Variants in EXOC6B observed in about 807,000 individuals in gnomAD.
EXOC6B encodes exocyst complex component 6B.
A neutral mutation model predicts 113.5 loss-of-function variants in EXOC6B; 54 were observed. That is an observed-to-expected ratio of 0.48 (90% CI 0.38 to 0.60). The LOEUF is 0.60. Among genes scored for constraint, EXOC6B ranks in the 20% least tolerant of loss-of-function variants. EXOC6B has a pLI of 0.00. For missense variants in EXOC6B, 797 were observed against 977.5 expected (o/e 0.82, Z 2.46); for synonymous variants, 357 against 339.0 (o/e 1.05, Z -0.58).
intron 18 of EXOC6B, among the ~76,000 whole-genome samples, chr2:72,422,511 A>G (rs990115089): frequency 4.0e-5 from 6 of 150,930 alleles, no homozygotes; most frequent in Non-Finnish European, 8.8e-5. Flanking sequence ...GAGTGCACCA[A>G]TCGACACTCT....
rs545359911 is a variant in EXOC6B at position 72,489,198 on chromosome 2, T to A, written c.1665+3120A>T. ...TTTTTCTTCTCTCCATAGCATTCAC[T>A]ACCTTTAACCATACTACAAAATTGA... is the stretch of plus-strand genomic sequence containing the variant. On this transcript the variant is annotated intron_variant, in intron 16 of 21. Transcript: ENST00000272427. Among the ~76,000 whole-genome samples, 64 of 152,346 alleles carry A rather than the reference T, an allele frequency of 4.2e-4. No individual in the cohort carries two copies. In the South Asian group the frequency reaches 0.013, roughly 31 times the overall value.
chr2:72,193,662 G>T (rs964023165), intron 20 of EXOC6B, among the ~76,000 whole-genome samples: 1 of 152,124 alleles, frequency 6.6e-6, no homozygotes, highest in Non-Finnish European at 1.5e-5. Context: ...CAAAAGAAGG[G>T]CATCTAAGCC....
intron 20 of EXOC6B, among the ~76,000 whole-genome samples, chr2:72,283,433 A>T (rs1399659354): frequency 6.6e-6 from 1 of 152,160 alleles, no homozygotes; most frequent in African/African-American, 2.4e-5. Context: ...GAGTCACAAC[A>T]TACTGGAAGC....
intron 19 of EXOC6B, among the ~76,000 whole-genome samples, chr2:72,377,884 T>C (rs1485020718): frequency 2.0e-5 from 3 of 151,966 alleles, no homozygotes; most frequent in South Asian, 4.1e-4. Context: ...GTAATATATA[T>C]ATTAACTAGC....
At chr2:72,313,852 A>G (rs1247819659) in intron 20 of EXOC6B, among the ~76,000 whole-genome samples, 1 of 152,228 alleles carries the variant, frequency 6.6e-6, no homozygotes, top group Non-Finnish European at 1.5e-5. Context: ...GCAATTAGCC[A>G]GTCATAGATT....
intron 6 of EXOC6B, among the ~76,000 whole-genome samples, chr2:72,608,027 G>A (rs1670854735): frequency 6.6e-6 from 1 of 152,048 alleles, no homozygotes; most frequent in South Asian, 2.1e-4. Flanking sequence ...ATGAAAGAAG[G>A]CAATAATCAA....
chr2:72,571,580 T>C (rs1183272287), intron 7 of EXOC6B, among the ~76,000 whole-genome samples: 2 of 152,198 alleles, frequency 1.3e-5, no homozygotes, highest in Non-Finnish European at 2.9e-5. Flanking sequence ...CGTTTCTTTA[T>C]AACACCCTTC....
At chr2:72,780,594 C>A (rs558595079) in intron 1 of EXOC6B, among the ~76,000 whole-genome samples, 6 of 152,282 alleles carry the variant, frequency 3.9e-5, no homozygotes, top group Non-Finnish European at 8.8e-5. Flanking sequence ...TCAAAGGTTT[C>A]CTTCAATTCA....
intron 3 of EXOC6B, among the ~76,000 whole-genome samples, chr2:72,732,044 G>C (rs1318543440): frequency 6.6e-6 from 1 of 152,180 alleles, no homozygotes; most frequent in African/African-American, 2.4e-5. Flanking sequence ...TACCTGTCCT[G>C]ATTTTGTCGG....
chr2:72,569,119 T>C (rs1221197642), intron 7 of EXOC6B, among the ~76,000 whole-genome samples: 2 of 152,112 alleles, frequency 1.3e-5, no homozygotes, highest in Admixed American at 1.3e-4. Context: ...ATTGTCCTTT[T>C]GGTATTTCAT....
At chr2:72,802,519 T>C (rs965600689) in intron 1 of EXOC6B, among the ~76,000 whole-genome samples, 1 of 152,122 alleles carries the variant, frequency 6.6e-6, no homozygotes, top group Non-Finnish European at 1.5e-5. Flanking sequence ...TGTATATAAA[T>C]GCATAGAAAA....
intron 6 of EXOC6B, among the ~76,000 whole-genome samples, chr2:72,700,557 A>C (rs1678246624): frequency 1.3e-5 from 2 of 152,222 alleles, no homozygotes; most frequent in African/African-American, 4.8e-5. Flanking sequence ...TTTAAAATTC[A>C]GTGGTTACAG....
chr2:72,518,703 A>C (rs973018244), intron 8 of EXOC6B, among the ~76,000 whole-genome samples: 1 of 152,204 alleles, frequency 6.6e-6, no homozygotes, highest in African/African-American at 2.4e-5. Context: ...GAAGTTCTCC[A>C]TGGCTGGAAC....
rs137943394 is a variant in EXOC6B, at chr2:72,419,432, G to A, written c.1981-39562C>T. 4.5e-4 allele frequency among the ~76,000 whole-genome samples: 69 copies of A among 152,292 alleles called. 1 individual carries two copies. The East Asian group carries it at 0.013, about 29-fold the overall frequency. On this transcript the variant is annotated intron_variant, in intron 18 of 21. Transcript: ENST00000272427. ...TAATGAGGCTTCAAGTTACAGTCTA[G>A]TGTCCTTTCATTTCACTCTGCATGA...
intron 18 of EXOC6B, among the ~76,000 whole-genome samples, chr2:72,395,215 A>C (rs1349338358): frequency 6.6e-6 from 1 of 152,170 alleles, no homozygotes; most frequent in Non-Finnish European, 1.5e-5. Flanking sequence ...GACCTTTACA[A>C]ACCTCATAAA....
rs566561498 is a variant in EXOC6B at position 72,758,944 on chromosome 2, C to T, written c.114-17475G>A. On this transcript the variant is annotated intron_variant, in intron 1 of 21. Transcript: ENST00000272427. ...AATCTCAAATTATTCAACTATTCTA[C>T]ATATAAACAGCCTTTCAATTGTAGT... 5.9e-5 allele frequency among the ~76,000 whole-genome samples: 9 copies of T among 152,354 alleles called. No homozygotes were observed. In the East Asian group the frequency reaches 1.5e-3, roughly 26 times the overall value.
intron 19 of EXOC6B, among the ~76,000 whole-genome samples, chr2:72,353,386 T>TGTA (rs774320429): frequency 6.6e-6 from 1 of 151,448 alleles, no homozygotes; most frequent in African/African-American, 2.4e-5. Context: ...TGTATCGTAT[T>TGTA]TTTGAGATGG....
At chr2:72,264,893 C>A (rs558052494) in intron 20 of EXOC6B, among the ~76,000 whole-genome samples, 6 of 152,040 alleles carry the variant, frequency 3.9e-5, no homozygotes, top group Non-Finnish European at 8.8e-5. Context: ...GTCAATTAAA[C>A]CTCTTTTCTT....
chr2:72,726,702 G>T (rs1388541668), intron 5 of EXOC6B, among the ~76,000 whole-genome samples: 2 of 152,014 alleles, frequency 1.3e-5, no homozygotes, highest in African/African-American at 2.4e-5. Flanking sequence ...AGGGTAAAAT[G>T]GAAGAATATC....
Sources: gnomAD v4.1 joint callset for allele counts (sites outside exome capture counted in the v4.1 genomes callset) on GRCh38, gnomAD v4.1.1 for gene constraint, MANE v1.5 for transcripts, NCBI Gene and HGNC (gene_info 2026-07-23, HGNC 2026-07-21) for gene names.